NAV2: variants seen among roughly 807,000 people sequenced by gnomAD.
NAV2 encodes the protein helicase, APC down-regulated 1.
Under a neutral mutation model 223.2 loss-of-function variants are expected in NAV2, and 54 were observed. The observed-to-expected ratio is 0.24, with a 90% confidence interval of 0.19 to 0.30. The LOEUF (loss-of-function observed/expected upper bound fraction) is 0.30, where lower values mean the gene tolerates loss of function less well. NAV2 is among the 10% of genes least tolerant of loss of function. The probability of loss-of-function intolerance (pLI) is 1.00; values close to 1 mark genes in which losing one functional copy is unlikely to be tolerated. For missense variants in NAV2, 2,806 were observed against 3,147.5 expected (o/e 0.89, Z 2.60); for synonymous variants, 1,279 against 1,239.3 (o/e 1.03, Z -0.67).
chr11:19,610,406 C>T (rs1016109521), intron 1 of NAV2, among the ~76,000 whole-genome samples: 4 of 152,160 alleles, frequency 2.6e-5, no homozygotes, highest in Non-Finnish European at 4.4e-5. Context: ...GTGGGTGCCA[C>T]GGGCTCATTC....
intron 1 of NAV2, among the ~76,000 whole-genome samples, chr11:19,531,898 G>T (rs2044038085): frequency 6.6e-6 from 1 of 152,182 alleles, no homozygotes; most frequent in African/African-American, 2.4e-5. Context: ...GAAAAAATGT[G>T]TGGTTTAGAG....
chr11:19,407,912 G>T (rs1299129648), intron 1 of NAV2, among the ~76,000 whole-genome samples: 1 of 152,172 alleles, frequency 6.6e-6, no homozygotes, highest in Non-Finnish European at 1.5e-5. Flanking sequence ...GATAAGTAAA[G>T]AAAATTGTGT....
At chr11:19,739,476 C>T (rs1041496204) in intron 1 of NAV2, among the ~76,000 whole-genome samples, 6 of 152,170 alleles carry the variant, frequency 3.9e-5, no homozygotes, top group Admixed American at 3.3e-4. Flanking sequence ...TCAGAGGTCA[C>T]GCTGGGGACC....
At chr11:19,370,102 G>T (rs765149146) in intron 1 of NAV2, among the ~76,000 whole-genome samples, 1 of 152,144 alleles carries the variant, frequency 6.6e-6, no homozygotes, top group Non-Finnish European at 1.5e-5. Context: ...CATAGCCATC[G>T]ATTTCCCCTT....
intron 11 of NAV2, among the ~76,000 whole-genome samples, chr11:20,035,383 G>C (rs764004185): frequency 6.6e-6 from 1 of 152,188 alleles, no homozygotes; most frequent in Non-Finnish European, 1.5e-5. Context: ...TTCGGTTGGA[G>C]GGTTGGGAAA....
intron 1 of NAV2, among the ~76,000 whole-genome samples, chr11:19,437,409 G>C (rs1184891283): frequency 6.6e-6 from 1 of 151,946 alleles, no homozygotes; most frequent in Non-Finnish European, 1.5e-5. Flanking sequence ...CTGTATCCAA[G>C]TGTTAATATA....
intron 11 of NAV2, among the ~76,000 whole-genome samples, chr11:20,019,813 G>C (rs1218782089): frequency 6.6e-6 from 1 of 151,970 alleles, no homozygotes; most frequent in Non-Finnish European, 1.5e-5. Context: ...AGTAGGGTAA[G>C]GACAGAGAGT....
At chr11:19,458,669 G>A (rs1214170395) in intron 1 of NAV2, among the ~76,000 whole-genome samples, 1 of 152,222 alleles carries the variant, frequency 6.6e-6, no homozygotes, top group Non-Finnish European at 1.5e-5. Flanking sequence ...GCTAGTGAGA[G>A]GTAGAGTCAG....
chr11:19,351,177 A>T lies in NAV2; in HGVS notation c.75+150A>T, dbSNP rs780728516. 7.0e-4 allele frequency: 538 copies of T among 773,040 alleles called. 2 individuals are homozygous for T. Among genetic ancestry groups the T allele is most frequent in the Non-Finnish European group, 1.0e-3 (473 of 465,178 alleles). The allele number at this position is 773,040 out of a possible 1,614,324, so 47.9% of individuals were successfully genotyped here. On this transcript the variant is annotated intron_variant, in intron 1 of 37. Coordinates refer to the NAV2 transcript ENST00000360655. ...GTGGCTTGAGATTTGCTATGTCTCG[A>T]TGCTGGGTGTCTTGACTTACTGGTA...
intron 6 of NAV2, among the ~76,000 whole-genome samples, chr11:19,924,974 A>G (rs1353624708): frequency 6.6e-6 from 1 of 152,212 alleles, no homozygotes; most frequent in Admixed American, 6.5e-5. Flanking sequence ...TTTTTTAAAT[A>G]GTAGGCATTC....
chr11:19,572,448 G>T (rs952907957), intron 1 of NAV2, among the ~76,000 whole-genome samples: 2 of 152,068 alleles, frequency 1.3e-5, no homozygotes, highest in African/African-American at 2.4e-5. Context: ...GCAACCTTTC[G>T]GCTTCAATAT....
At chr11:19,412,646 G>A (rs1850194442) in intron 1 of NAV2, among the ~76,000 whole-genome samples, 1 of 152,156 alleles carries the variant, frequency 6.6e-6, no homozygotes, top group Admixed American at 6.5e-5. Context: ...CTCCCAGCAG[G>A]GGTTTACAGA....
At chr11:19,936,069 A>G (rs2045877568) in intron 7 of NAV2, among the ~76,000 whole-genome samples, 1 of 148,060 alleles carries the variant, frequency 6.8e-6, no homozygotes. Flanking sequence ...GGATTTCACC[A>G]TGTTGTCCAG....
chr11:19,377,552 T>C (rs1203265481), intron 1 of NAV2, among the ~76,000 whole-genome samples: 1 of 152,176 alleles, frequency 6.6e-6, no homozygotes, highest in Non-Finnish European at 1.5e-5. Flanking sequence ...GAGACTGCAA[T>C]TCTTATTTCC....
Position 19,998,710 on chromosome 11 carries a change from C to T in NAV2, c.2768+14463C>T, listed in dbSNP as rs906506195. On this transcript the variant is annotated intron_variant, in intron 11 of 37. Coordinates refer to ENST00000349880, the MANE Select transcript of NAV2 (RefSeq NM_145117.5). This position sits in a 1 kb window ranked among gnomAD's most constrained non-coding sequence, Gnocchi z 5.0. Reference sequence around the variant, plus strand: ...CCTCTGCATAGACTGTGCTTCCCCCCCTCTCTCCTTTTCTCCTTATAAGCC... The same window carrying T: ...CCTCTGCATAGACTGTGCTTCCCCCTCTCTCTCCTTTTCTCCTTATAAGCC... 5.3e-5 allele frequency among the ~76,000 whole-genome samples: 8 copies of T among 152,220 alleles called. No homozygotes were observed. In the South Asian group the frequency reaches 1.0e-3, roughly 20 times the overall value.
At chr11:19,551,317 C>A (rs1033792560) in intron 1 of NAV2, among the ~76,000 whole-genome samples, 1 of 152,248 alleles carries the variant, frequency 6.6e-6, no homozygotes, top group African/African-American at 2.4e-5. Context: ...GGGGTCAGGA[C>A]CACGTATTTT....
chr11:19,839,181 C>A (rs933958713), intron 2 of NAV2, among the ~76,000 whole-genome samples: 1 of 152,120 alleles, frequency 6.6e-6, no homozygotes, highest in African/African-American at 2.4e-5. Flanking sequence ...GCCTGCCAGC[C>A]CATCACAGTG....
intron 1 of NAV2, among the ~76,000 whole-genome samples, chr11:19,739,291 T>A (rs959446214): frequency 2.0e-5 from 3 of 152,236 alleles, no homozygotes; most frequent in Non-Finnish European, 4.4e-5. Context: ...ATATACTAGA[T>A]TCTGTGTTAC....
At position 20,093,133 on chromosome 11, in the gene NAV2, T is replaced by C; in HGVS notation, c.5850T>C (p.Ala1950=). Residue 1950 remains alanine (A), a synonymous_variant, in exon 29 of 38, where the codon GCT becomes GCC. Transcript: ENST00000349880. ...TGGATGACACTGGTGAATGCTCGGC[T>C]CGGAAGGAAGGAGGCAGGCATGTTA... ...MLLDDTGECS[A]RKEGGRHVKI... The C allele has an allele frequency of 6.2e-7, 1 of 1,614,026 alleles. No homozygotes were observed. Among genetic ancestry groups the C allele is most frequent in the Non-Finnish European group, 8.5e-7 (1 of 1,179,992 alleles).
Sources: gnomAD v4.1 joint callset for allele counts (sites outside exome capture counted in the v4.1 genomes callset) on GRCh38, gnomAD v4.1.1 for gene constraint, Gnocchi (gnomAD v3.1) non-coding constraint, MANE v1.5 for transcripts, NCBI Gene and HGNC (gene_info 2026-07-23, HGNC 2026-07-21) for gene names.